The following SREBF2 variants were observed in gnomAD, a reference collection of about 807,000 sequenced individuals.
SREBF2 encodes the protein sterol regulatory element-binding protein 2.
SREBF2 carries 55 observed loss-of-function variants against 113.1 expected under a neutral mutation model. That is an observed-to-expected ratio of 0.49 (90% CI 0.39 to 0.61). SREBF2 has a LOEUF of 0.61. Ranked by LOEUF, SREBF2 falls within the 20% of genes least tolerant of loss-of-function variation. The probability of loss-of-function intolerance (pLI) is 0.00; values close to 1 mark genes in which losing one functional copy is unlikely to be tolerated. For missense variants in SREBF2, 1,349 were observed against 1,487.4 expected, an observed-to-expected ratio of 0.91 and a Z score of 1.53; for synonymous variants, 593 against 605.7, an observed-to-expected ratio of 0.98 and a Z score of 0.31.
Position 41,898,635 on chromosome 22 carries a change from C to T in SREBF2, c.2606-14C>T. 1 of 1,613,822 alleles carries T rather than the reference C, an allele frequency of 6.2e-7. No individual in the cohort carries two copies. The highest frequency in any genetic ancestry group is 8.5e-7 in the Non-Finnish European group (1 of 1,179,914). ...TGTGGGTGCTGGAGTGCGTTTGGTGCTGTTCTCCTCTAGGTCCAGACATCA... is the reference window on the plus strand; with the variant it reads ...TGTGGGTGCTGGAGTGCGTTTGGTGTTGTTCTCCTCTAGGTCCAGACATCA... On this transcript the variant is annotated splice_polypyrimidine_tract_variant and intron_variant, in intron 14 of 18. Transcript: ENST00000361204.
intron 1 of SREBF2, among the ~76,000 whole-genome samples, chr22:41,841,747 C>T (rs182941261): frequency 4.6e-5 from 7 of 152,240 alleles, no homozygotes; most frequent in Admixed American, 2.6e-4. Context: ...TCAAATTGTC[C>T]GTATCCTTCT....
Position 41,906,175 on chromosome 22 carries a change from C to T in SREBF2, c.*515C>T, listed in dbSNP as rs1010972511. On this transcript the variant is annotated 3_prime_UTR_variant, in exon 19 of 19. Coordinates refer to ENST00000361204, the MANE Select transcript of SREBF2 (RefSeq NM_004599.4). ...AGTTGCTGTAGCGTCTTGATTCTCTCCCTGGGTCTGCGTTCCCTCCCCTGG... is the reference window on the plus strand; with the variant it reads ...AGTTGCTGTAGCGTCTTGATTCTCTTCCTGGGTCTGCGTTCCCTCCCCTGG... 5 of 363,864 alleles carry T rather than the reference C, an allele frequency of 1.4e-5. No homozygotes were observed. Among genetic ancestry groups the T allele is most frequent in the Admixed American group, 7.1e-5 (2 of 28,046 alleles). The allele number at this position is 363,864 out of a possible 1,614,324, so 22.5% of individuals were successfully genotyped here.
chr22:41,848,810 C>A (rs972089451), intron 1 of SREBF2, among the ~76,000 whole-genome samples: 1 of 152,148 alleles, frequency 6.6e-6, no homozygotes, highest in Non-Finnish European at 1.5e-5. Flanking sequence ...AAAACCACCA[C>A]CAAGACCGCT....
intron 13 of SREBF2, 52 bp from the exon 14 acceptor site, chr22:41,897,000 G>T: frequency 7.8e-7 from 1 of 1,284,336 alleles, no homozygotes; most frequent in Non-Finnish European, 1.1e-6. Flanking sequence ...GCCATGAGGT[G>T]GGCCTTGTGT....
chr22:41,852,046 G>A (rs1165125017), intron 1 of SREBF2, among the ~76,000 whole-genome samples: 2 of 151,906 alleles, frequency 1.3e-5, no homozygotes, highest in Non-Finnish European at 2.9e-5. Context: ...GTGTGAACCC[G>A]GGAGGTGGAG....
intron 11 of SREBF2, 84 bp from the exon 12 acceptor site, chr22:41,893,033 A>T (rs2077379253): frequency 6.5e-7 from 1 of 1,529,966 alleles, no homozygotes; most frequent in African/African-American, 1.4e-5. Context: ...GCCCACCTCC[A>T]CCATGGTGCT....
intron 1 of SREBF2, among the ~76,000 whole-genome samples, chr22:41,855,274 G>A (rs2148359515): frequency 6.6e-6 from 1 of 152,280 alleles, no homozygotes; most frequent in South Asian, 2.1e-4. Context: ...TGTAATCTCA[G>A]GACTTTGGGA....
At chr22:41,881,061 A>G in intron 10 of SREBF2, 69 bp downstream of exon 10, 3 of 1,571,958 alleles carry the variant, frequency 1.9e-6, no homozygotes, top group Non-Finnish European at 2.6e-6. Flanking sequence ...CCTTAGCTTG[A>G]TTTGCCAGTT....
intron 1 of SREBF2, among the ~76,000 whole-genome samples, chr22:41,835,924 C>A (rs1304932215): frequency 1.3e-5 from 2 of 152,244 alleles, no homozygotes; most frequent in Non-Finnish European, 2.9e-5. Flanking sequence ...TGTACCCGAC[C>A]CTGTCTTAAT....
rs534488155 is a variant in SREBF2, at chr22:41,906,419, C to T, written c.*759C>T. On this transcript the variant is annotated 3_prime_UTR_variant, in exon 19 of 19. Transcript: ENST00000361204. Reference sequence around the variant, plus strand: ...CCGCCTCCTAGGATGTTAGCCCAAGCTCAGGGTAGGCCCAGGGGGCTGGGA... The same window carrying T: ...CCGCCTCCTAGGATGTTAGCCCAAGTTCAGGGTAGGCCCAGGGGGCTGGGA... 164 of 185,662 alleles carry T rather than the reference C, an allele frequency of 8.8e-4. 2 individuals are homozygous for T. Among genetic ancestry groups the T allele is most frequent in the African/African-American group, 3.5e-3 (149 of 41,986 alleles). 11.5% of individuals were successfully genotyped at this position (185,662 alleles called of 1,614,324 possible). A position where few individuals can be genotyped will look rare whatever the true frequency, so the allele number is the denominator to read the frequency against.
At chr22:41,839,374 A>G (rs989965920) in intron 1 of SREBF2, among the ~76,000 whole-genome samples, 9 of 152,020 alleles carry the variant, frequency 5.9e-5, no homozygotes, top group African/African-American at 2.2e-4. Flanking sequence ...GAACTGGGAG[A>G]TTAGAGGTTA....
chr22:41,866,733 A>T, intron 1 of SREBF2, 98 bp from the exon 2 acceptor site: 1 of 1,401,056 alleles, frequency 7.1e-7, no homozygotes. Flanking sequence ...CCATGGTCTT[A>T]GGAAAGTCAT....
chr22:41,876,209 T>A (rs975872353), intron 7 of SREBF2, among the ~76,000 whole-genome samples: 1 of 152,252 alleles, frequency 6.6e-6, no homozygotes, highest in Non-Finnish European at 1.5e-5. Context: ...AATGGTAGTT[T>A]AATGGAATTA....
At chr22:41,855,408 C>CCCAGCTACTT in intron 1 of SREBF2, among the ~76,000 whole-genome samples, 1 of 152,078 alleles carries the variant, frequency 6.6e-6, no homozygotes, top group East Asian at 1.9e-4. Flanking sequence ...CACCTGTAGT[C>CCCAGCTACTT]CCAGCTACTT....
intron 16 of SREBF2, chr22:41,901,049 A>AG (rs770586470): frequency 1.2e-5 from 6 of 492,764 alleles, no homozygotes; most frequent in Admixed American, 6.2e-5. Context: ...CCCTGACTGA[A>AG]GGCCCTATCA....
At chr22:41,867,435 G>T (rs1302340897) in intron 2 of SREBF2, among the ~76,000 whole-genome samples, 155 bp downstream of exon 2, 1 of 152,196 alleles carries the variant, frequency 6.6e-6, no homozygotes, top group Non-Finnish European at 1.5e-5. Flanking sequence ...ATAAGAACTG[G>T]TACAGGAGCA....
At chr22:41,855,143 A>G (rs1475544178) in intron 1 of SREBF2, among the ~76,000 whole-genome samples, 1 of 152,180 alleles carries the variant, frequency 6.6e-6, no homozygotes, top group Non-Finnish European at 1.5e-5. Flanking sequence ...AATGAAGATA[A>G]CAGGATGACA....
chr22:41,854,360 C>T (rs964923010), intron 1 of SREBF2, among the ~76,000 whole-genome samples: 1 of 150,614 alleles, frequency 6.6e-6, no homozygotes, highest in Non-Finnish European at 1.5e-5. Context: ...TGGGGTTTCA[C>T]CATGTTGGCC....
In SREBF2 at chr22:41,903,023, G is replaced by A; in HGVS notation, c.2961G>A (p.Trp987Ter). ...DLLLSLRTAL[W>*]QKQASASQAV... Reference sequence around the variant, plus strand: ...TACTGTCGCTACGGACAGCGCTCTGGCAAAAACAGGCCAGTGCCAGCCAGG... The same window carrying A: ...TACTGTCGCTACGGACAGCGCTCTGACAAAAACAGGCCAGTGCCAGCCAGG... The change falls in exon 17 of 19, where the codon TGG (tryptophan) becomes TGA (stop). Residue 987 changes from tryptophan (W) to a stop codon, truncating the protein, a stop_gained. Transcript: ENST00000361204. LOFTEE classifies it high-confidence loss of function. 1 of 1,610,662 alleles carries A rather than the reference G, an allele frequency of 6.2e-7. No individual in the cohort carries two copies. Among genetic ancestry groups the A allele is most frequent in the Non-Finnish European group, 8.5e-7 (1 of 1,178,810 alleles).
Sources: gnomAD v4.1 joint callset for allele counts (sites outside exome capture counted in the v4.1 genomes callset) on GRCh38, gnomAD v4.1.1 for gene constraint, MANE v1.5 for transcripts, NCBI Gene and HGNC (gene_info 2026-07-23, HGNC 2026-07-21) for gene names.